Variants in DLG2 observed in about 807,000 individuals in gnomAD.
DLG2 encodes disks large homolog 2.
Under a neutral mutation model 132.5 loss-of-function variants are expected in DLG2, and 45 were observed. That is an observed-to-expected ratio of 0.34 (90% CI 0.27 to 0.44). DLG2 has a LOEUF of 0.44. Among genes scored for constraint, DLG2 ranks in the 20% least tolerant of loss-of-function variants. The pLI, the probability that DLG2 is intolerant of heterozygous loss-of-function variation, is 1.00. For missense variants in DLG2, 1,045 were observed against 1,196.9 expected, an observed-to-expected ratio of 0.87 and a Z score of 1.87; for synonymous variants, 424 against 419.6, an observed-to-expected ratio of 1.01 and a Z score of -0.13.
At chr11:85,155,825 C>CT (rs2077551323) in intron 4 of DLG2, among the ~76,000 whole-genome samples, 1 of 150,704 alleles carries the variant, frequency 6.6e-6, no homozygotes. Flanking sequence ...AGCCACTGTG[C>CT]TCCAGCCTGG....
chr11:83,683,579 C>T (rs2079184223), intron 18 of DLG2, among the ~76,000 whole-genome samples: 1 of 152,158 alleles, frequency 6.6e-6, no homozygotes, highest in Non-Finnish European at 1.5e-5. Flanking sequence ...GTCTTTGCCA[C>T]TAATTTACTA....
chr11:85,397,876 G>C (rs984925264), intron 3 of DLG2, among the ~76,000 whole-genome samples: 1 of 152,096 alleles, frequency 6.6e-6, no homozygotes, highest in Non-Finnish European at 1.5e-5. Flanking sequence ...CAATGAAAGA[G>C]GAGGTTAACA....
intron 6 of DLG2, among the ~76,000 whole-genome samples, chr11:85,082,572 G>T (rs2067373332): frequency 6.6e-6 from 1 of 151,962 alleles, no homozygotes; most frequent in African/African-American, 2.4e-5. Flanking sequence ...TCTTTAAGGG[G>T]TCAGAGTCAT....
At chr11:84,229,925 G>T (rs2097066304) in intron 8 of DLG2, among the ~76,000 whole-genome samples, 1 of 152,168 alleles carries the variant, frequency 6.6e-6, no homozygotes, top group Admixed American at 6.6e-5. Flanking sequence ...ATGATTAAGT[G>T]AAGTTTTCTC....
intron 11 of DLG2, among the ~76,000 whole-genome samples, chr11:83,995,663 C>A (rs758751715): frequency 1.3e-5 from 2 of 152,022 alleles, no homozygotes; most frequent in African/African-American, 2.4e-5. Context: ...AGCCCAGAAA[C>A]AAATCTATAC....
chr11:84,710,769 T>A (rs1342339199), intron 6 of DLG2, among the ~76,000 whole-genome samples: 1 of 151,040 alleles, frequency 6.6e-6, no homozygotes, highest in East Asian at 2.0e-4. Flanking sequence ...TGAAACCCCA[T>A]CAAAATTATG....
intron 15 of DLG2, among the ~76,000 whole-genome samples, chr11:83,904,754 C>A (rs1403015505): frequency 6.6e-6 from 1 of 152,028 alleles, no homozygotes; most frequent in Non-Finnish European, 1.5e-5. Flanking sequence ...GATTCAAGTT[C>A]CCTACACTTG....
intron 6 of DLG2, among the ~76,000 whole-genome samples, chr11:84,553,207 T>C (rs1049556305): frequency 1.3e-5 from 2 of 152,240 alleles, no homozygotes; most frequent in South Asian, 2.1e-4. Context: ...TTTGTCACTT[T>C]GTATTGTTCT....
chr11:83,605,828 C>T (rs534910895), intron 19 of DLG2, among the ~76,000 whole-genome samples: 1 of 152,354 alleles, frequency 6.6e-6, no homozygotes, highest in East Asian at 1.9e-4. Context: ...CTTCATACTT[C>T]TTCCATTTCA....
At chr11:85,269,893 T>C (rs1781246784) in intron 4 of DLG2, among the ~76,000 whole-genome samples, 1 of 152,210 alleles carries the variant, frequency 6.6e-6, no homozygotes, top group Non-Finnish European at 1.5e-5. Flanking sequence ...AAAATAATAG[T>C]AATAATAATA....
At chr11:83,582,213 C>T (rs1311320434) in intron 19 of DLG2, among the ~76,000 whole-genome samples, 1 of 152,010 alleles carries the variant, frequency 6.6e-6, no homozygotes, top group Admixed American at 6.5e-5. Flanking sequence ...ACCTTGGCCT[C>T]CCAAAGTGCT....
At chr11:85,431,414 C>A (rs1488068924) in intron 3 of DLG2, among the ~76,000 whole-genome samples, 1 of 152,200 alleles carries the variant, frequency 6.6e-6, no homozygotes, top group Non-Finnish European at 1.5e-5. Flanking sequence ...ACCCATGGAT[C>A]AGAAGATCCC....
intron 21 of DLG2, among the ~76,000 whole-genome samples, chr11:83,517,232 C>A (rs189958112): frequency 6.6e-6 from 1 of 152,144 alleles, no homozygotes; most frequent in East Asian, 1.9e-4. Flanking sequence ...TCTTTTTATT[C>A]TTTTTTCTCT....
intron 17 of DLG2, among the ~76,000 whole-genome samples, chr11:83,808,653 C>T (rs939629118): frequency 6.6e-6 from 1 of 152,124 alleles, no homozygotes; most frequent in Non-Finnish European, 1.5e-5. Context: ...AATCATCATC[C>T]TCTATCTTTT....
chr11:83,995,648 T>C (rs987709244), intron 11 of DLG2, among the ~76,000 whole-genome samples: 2 of 152,102 alleles, frequency 1.3e-5, no homozygotes, highest in African/African-American at 4.8e-5. Flanking sequence ...GGTAACAGAA[T>C]AGACAGCCCA....
intron 3 of DLG2, among the ~76,000 whole-genome samples, chr11:85,316,048 A>G (rs1051349733): frequency 6.6e-6 from 1 of 151,966 alleles, no homozygotes; most frequent in Non-Finnish European, 1.5e-5. Flanking sequence ...TAAATAAACT[A>G]AAGGGTTGAA....
chr11:83,509,652 A>G (rs2094906952), intron 21 of DLG2, among the ~76,000 whole-genome samples: 1 of 152,194 alleles, frequency 6.6e-6, no homozygotes, highest in Admixed American at 6.5e-5. Flanking sequence ...ATCAAGAAAT[A>G]TACCTTGTGA....
intron 17 of DLG2, among the ~76,000 whole-genome samples, chr11:83,832,317 T>G (rs1015868872): frequency 6.6e-6 from 1 of 152,204 alleles, no homozygotes; most frequent in Non-Finnish European, 1.5e-5. Context: ...GGTTGTGTTA[T>G]GGCATAGATT....
chr11:84,466,499 T>C (rs1035473872), intron 7 of DLG2, among the ~76,000 whole-genome samples: 43 of 151,082 alleles, frequency 2.8e-4, no homozygotes, highest in Non-Finnish European at 7.4e-5. Context: ...CGACTACATA[T>C]AGAAAAACAG....
Sources: gnomAD v4.1 joint callset for allele counts (sites outside exome capture counted in the v4.1 genomes callset) on GRCh38, gnomAD v4.1.1 for gene constraint, MANE v1.5 for transcripts, NCBI Gene and HGNC (gene_info 2026-07-23, HGNC 2026-07-21) for gene names.